The following CHL1 variants were observed in gnomAD, a reference collection of about 807,000 sequenced individuals.
CHL1 encodes the protein neural cell adhesion molecule L1-like protein.
CHL1 carries 96 observed loss-of-function variants against 141.9 expected under a neutral mutation model. That is an observed-to-expected ratio of 0.68 (90% CI 0.57 to 0.80). CHL1 has a LOEUF of 0.80. Ranked by LOEUF, CHL1 falls within the 30% of genes least tolerant of loss-of-function variation. CHL1 has a pLI of 0.00. For missense variants in CHL1, 1,820 were observed against 1,457.2 expected (o/e 1.25, Z -4.05); for synonymous variants, 613 against 502.2 (o/e 1.22, Z -2.95).
At chr3:283,329 A>G (rs1414486899) in intron 2 of CHL1, among the ~76,000 whole-genome samples, 8 of 152,228 alleles carry the variant, frequency 5.3e-5, no homozygotes, top group Non-Finnish European at 1.2e-4. Flanking sequence ...AGAATGAATT[A>G]TGTGGAGACA....
intron 23 of CHL1, among the ~76,000 whole-genome samples, chr3:394,376 G>A (rs9839644): frequency 0.046 from 6,974 of 152,144 alleles, 541 homozygotes; most frequent in African/African-American, 0.16. Context: ...TGAAGCTGGA[G>A]CAGCTGGCTC....
At chr3:314,651 T>C (rs1237048258) in intron 2 of CHL1, among the ~76,000 whole-genome samples, 1 of 151,858 alleles carries the variant, frequency 6.6e-6, no homozygotes, top group Non-Finnish European at 1.5e-5. Flanking sequence ...TGGCTGGCTG[T>C]TGGCCAGGAT....
At chr3:322,645 A>ACT (rs1700666823) in intron 3 of CHL1, among the ~76,000 whole-genome samples, 1 of 130,226 alleles carries the variant, frequency 7.7e-6, no homozygotes, top group African/African-American at 3.0e-5. Context: ...ATATATATAA[A>ACT]ATATATATAT....
At chr3:258,879 T>A (rs1318215906) in intron 2 of CHL1, among the ~76,000 whole-genome samples, 1 of 151,984 alleles carries the variant, frequency 6.6e-6, no homozygotes, top group South Asian at 2.1e-4. Context: ...TTTTTTTTTT[T>A]ATAAAGAAGG....
At chr3:323,860 G>A (rs998101653) in intron 3 of CHL1, among the ~76,000 whole-genome samples, 8 of 152,006 alleles carry the variant, frequency 5.3e-5, no homozygotes, top group African/African-American at 1.9e-4. Context: ...GCAAGACCCT[G>A]ACTCAAAGAA....
intron 2 of CHL1, among the ~76,000 whole-genome samples, chr3:276,647 T>A (rs561331255): frequency 5.3e-5 from 8 of 151,990 alleles, no homozygotes; most frequent in South Asian, 4.2e-4. Context: ...CCCAGCACTT[T>A]GGGAGGCCGA....
At chr3:299,636 G>C (rs1193684514) in intron 2 of CHL1, among the ~76,000 whole-genome samples, 3 of 152,158 alleles carry the variant, frequency 2.0e-5, no homozygotes, top group Non-Finnish European at 4.4e-5. Flanking sequence ...TCAGCAGCTA[G>C]TTAGATACTA....
chr3:253,505 T>C lies in CHL1; in HGVS notation c.-95+8813T>C, dbSNP rs73814077. Among the ~76,000 whole-genome samples, 1,513 of 152,284 alleles carry C rather than the reference T, an allele frequency of 9.9e-3. 25 individuals carry two copies. The highest frequency in any genetic ancestry group is 0.035 in the African/African-American group (1,440 of 41,562). On this transcript the variant is annotated intron_variant, in intron 2 of 27. Coordinates refer to ENST00000256509, the MANE Select transcript of CHL1 (RefSeq NM_006614.4). ...TCCCTCTCTACCTTTTCTGTAGTTT[T>C]TGTATGCGGGCCAATAAAGTTCCAT...
In CHL1 at chr3:354,651, T is replaced by G. The variant is rs1353179739; in HGVS notation, c.1045T>G (p.Trp349Gly). Residue 349 changes from tryptophan to glycine, a missense_variant, in exon 11 of 28, where the codon TGG (tryptophan) becomes GGG (glycine). Trp to Gly is a radical substitution (Grantham distance 184). Transcript: ENST00000256509. ...FHVIVEEPPRWTKKPQSAVYS... is the reference protein window; with the variant it reads ...FHVIVEEPPRGTKKPQSAVYS... Reference sequence around the variant, plus strand: ...CACTTTACATCCAGAGCCTCCTCGCTGGACAAAGAAGCCTCAGAGTGCTGT... The same window carrying G: ...CACTTTACATCCAGAGCCTCCTCGCGGGACAAAGAAGCCTCAGAGTGCTGT... 6.2e-7 allele frequency: 1 copy of G among 1,612,460 alleles called. No individual in the cohort carries two copies. The highest frequency in any genetic ancestry group is 1.7e-5 in the Admixed American group (1 of 59,588).
chr3:350,787 ACAAAAG>A (rs1244930794), intron 10 of CHL1, among the ~76,000 whole-genome samples: 1 of 152,210 alleles, frequency 6.6e-6, no homozygotes, highest in Admixed American at 6.5e-5. Context: ...CTTTGACTTG[ACAAAAG>A]CAAAACTTAT....
chr3:290,793 A>C (rs1466683799), intron 2 of CHL1, among the ~76,000 whole-genome samples: 1 of 152,042 alleles, frequency 6.6e-6, no homozygotes, highest in Non-Finnish European at 1.5e-5. Flanking sequence ...TTAATTAGCC[A>C]GGTGTGGTGG....
chr3:261,817 T>C (rs1009285339), intron 2 of CHL1, among the ~76,000 whole-genome samples: 1 of 152,148 alleles, frequency 6.6e-6, no homozygotes, highest in African/African-American at 2.4e-5. Flanking sequence ...CTGATTATAA[T>C]TCAATCTTCA....
chr3:197,663 G>C (rs1233241795), intron 1 of CHL1: 1 of 364,460 alleles, frequency 2.7e-6, no homozygotes. Flanking sequence ...CCAGCCTGGA[G>C]CGGGGAATCC....
At chr3:365,793 T>C (rs1371040878) in intron 14 of CHL1, among the ~76,000 whole-genome samples, 157 bp from the exon 15 acceptor site, 1 of 152,096 alleles carries the variant, frequency 6.6e-6, no homozygotes, top group Non-Finnish European at 1.5e-5. Flanking sequence ...GGAAAGAAAA[T>C]AATAATGACA....
intron 23 of CHL1, 143 bp from the exon 24 acceptor site, chr3:394,550 C>T: frequency 1.6e-6 from 1 of 631,012 alleles, no homozygotes; most frequent in Admixed American, 3.1e-5. Flanking sequence ...GTTGTATGTA[C>T]CTCATAGGAT....
chr3:322,296 GAAAAATTAAAAAAATAGAATTAATAGAA>G (rs1213908148), intron 3 of CHL1, among the ~76,000 whole-genome samples: 1 of 132,440 alleles, frequency 7.6e-6, no homozygotes, highest in Admixed American at 7.2e-5. Flanking sequence ...GGGCAATAAT[GAAAAATTAAAAAAATAGAATTAATAGAA>G]AAAAATTAGA....
Position 399,002 on chromosome 3 carries a change from C to T in CHL1, c.3254-15C>T. 1 of 1,611,600 alleles carries T rather than the reference C, an allele frequency of 6.2e-7. No individual in the cohort carries two copies. The highest frequency in any genetic ancestry group is 1.1e-5 in the South Asian group (1 of 90,696). On this transcript the variant is annotated splice_polypyrimidine_tract_variant and intron_variant, in intron 25 of 27. Transcript: ENST00000256509. The stretch of plus-strand genomic sequence containing the variant: ...TTTCTAGTTTACAATGCTGTGACTT[C>T]TCTTTCTACCACAGAATATGCTGGT...
intron 11 of CHL1, among the ~76,000 whole-genome samples, chr3:359,163 C>T (rs1703983424): frequency 1.3e-5 from 2 of 151,866 alleles, no homozygotes; most frequent in South Asian, 2.1e-4. Context: ...AATCCAGTCC[C>T]CTCACCTTTA....
intron 15 of CHL1, among the ~76,000 whole-genome samples, chr3:369,513 G>A (rs1705350483): frequency 6.6e-6 from 1 of 152,156 alleles, no homozygotes; most frequent in Non-Finnish European, 1.5e-5. Context: ...AGACAACGGG[G>A]TTTTCTAAAT....
Sources: allele counts gnomAD v4.1 joint callset (sites outside exome capture counted in the v4.1 genomes callset), GRCh38; gene constraint gnomAD v4.1.1; transcripts MANE v1.5; gene names NCBI Gene and HGNC (gene_info 2026-07-23, HGNC 2026-07-21).